ADCY2: variants seen among roughly 807,000 people sequenced by gnomAD.
ADCY2 encodes adenylate cyclase 2.
In ADCY2, 31 loss-of-function variants were observed where a neutral mutation model predicts 125.2. That is an observed-to-expected ratio of 0.25 (90% CI 0.19 to 0.33). The LOEUF (loss-of-function observed/expected upper bound fraction) is 0.33, where lower values mean the gene tolerates loss of function less well. Among genes scored for constraint, ADCY2 ranks in the 10% least tolerant of loss-of-function variants. The pLI is 1.00. For missense variants in ADCY2, 904 were observed against 1,418.2 expected (o/e 0.64, Z 5.82); for synonymous variants, 512 against 548.4 (o/e 0.93, Z 0.93).
chr5:7,500,991 T>C (rs1561059783), intron 2 of ADCY2, among the ~76,000 whole-genome samples: 1 of 152,200 alleles, frequency 6.6e-6, no homozygotes, highest in Non-Finnish European at 1.5e-5. Flanking sequence ...GTAAGTATTC[T>C]AAGTTCGTCA....
chr5:7,740,091 G>C (rs1742366201), intron 14 of ADCY2, among the ~76,000 whole-genome samples: 1 of 148,260 alleles, frequency 6.7e-6, no homozygotes, highest in East Asian at 2.0e-4. Flanking sequence ...ACAAACCAAA[G>C]GCCAAATCTA....
intron 3 of ADCY2, among the ~76,000 whole-genome samples, chr5:7,584,863 A>G (rs1398001497): frequency 1.3e-5 from 2 of 152,206 alleles, no homozygotes; most frequent in African/African-American, 4.8e-5. Context: ...GAAATGAATT[A>G]GAACTCTCTA....
intron 2 of ADCY2, among the ~76,000 whole-genome samples, chr5:7,417,174 C>T (rs116755048): frequency 0.031 from 4,686 of 152,126 alleles, 84 homozygotes; most frequent in Non-Finnish European, 0.036. Flanking sequence ...TTTGTTCCTT[C>T]GGAGACTCTT....
At chr5:7,403,189 G>A (rs1245942268) in intron 1 of ADCY2, among the ~76,000 whole-genome samples, 2 of 152,014 alleles carry the variant, frequency 1.3e-5, no homozygotes, top group Non-Finnish European at 2.9e-5. Flanking sequence ...GAAAAAAAGA[G>A]CAAATAATTA....
intron 3 of ADCY2, among the ~76,000 whole-genome samples, chr5:7,603,475 T>C (rs949981707): frequency 2.6e-5 from 4 of 152,222 alleles, no homozygotes; most frequent in Non-Finnish European, 4.4e-5. Flanking sequence ...AACTCCCAGG[T>C]TGATAAATCA....
intron 23 of ADCY2, among the ~76,000 whole-genome samples, chr5:7,817,802 G>A (rs1561037939): frequency 8.6e-6 from 1 of 116,668 alleles, no homozygotes. Context: ...CAGCCTGGGT[G>A]ACAGAAAGAG....
intron 11 of ADCY2, among the ~76,000 whole-genome samples, chr5:7,714,602 C>A (rs927825139): frequency 6.6e-6 from 1 of 152,250 alleles, no homozygotes; most frequent in East Asian, 1.9e-4. Context: ...ATGAAGCCAG[C>A]ATTTGTGCCC....
intron 3 of ADCY2, among the ~76,000 whole-genome samples, chr5:7,559,584 G>T (rs567038278): frequency 6.6e-6 from 1 of 152,172 alleles, no homozygotes; most frequent in Non-Finnish European, 1.5e-5. Flanking sequence ...GACTGAGTCT[G>T]TGGGGTTTCC....
At chr5:7,636,853 T>G (rs994347199) in intron 4 of ADCY2, among the ~76,000 whole-genome samples, 7 of 152,096 alleles carry the variant, frequency 4.6e-5, no homozygotes, top group Non-Finnish European at 8.8e-5. Context: ...GGAGCAATCA[T>G]GCTAAAGTGA....
At chr5:7,417,420 C>A (rs1313945434) in intron 2 of ADCY2, among the ~76,000 whole-genome samples, 1 of 152,120 alleles carries the variant, frequency 6.6e-6, no homozygotes, top group East Asian at 1.9e-4. Context: ...TTCTCCCTTT[C>A]ATATCCTTAA....
intron 2 of ADCY2, among the ~76,000 whole-genome samples, chr5:7,504,772 G>C (rs1743741370): frequency 6.6e-6 from 1 of 151,844 alleles, no homozygotes; most frequent in Non-Finnish European, 1.5e-5. Flanking sequence ...ACCTCTCAAA[G>C]TGCTGGGACT....
At chr5:7,768,452 C>T (rs778475851) in intron 17 of ADCY2, among the ~76,000 whole-genome samples, 7 of 152,048 alleles carry the variant, frequency 4.6e-5, no homozygotes, top group African/African-American at 9.7e-5. Context: ...GAGAGTGCAC[C>T]GACCAAACAG....
Position 7,414,776 on chromosome 5 carries a change from G to A in ADCY2, c.408+6G>A, listed in dbSNP as rs761828558. ...CCGTCTCTCCCTGGGACCAGGTAAG[G>A]TGTGAAAATATTTTTTGTACTTCTT... On this transcript the variant is annotated splice_donor_region_variant and intron_variant, in intron 2 of 24. Coordinates refer to ENST00000338316, the MANE Select transcript of ADCY2 (RefSeq NM_020546.3). The A allele has an allele frequency of 7.5e-6, 12 of 1,596,028 alleles. No individual in the cohort carries two copies. Among genetic ancestry groups the A allele is most frequent in the Non-Finnish European group, 8.5e-6 (10 of 1,174,234 alleles).
intron 3 of ADCY2, among the ~76,000 whole-genome samples, chr5:7,528,670 C>T (rs574090708): frequency 1.3e-5 from 2 of 152,284 alleles, no homozygotes; most frequent in African/African-American, 2.4e-5. Context: ...GGGTTTATGT[C>T]GAATATGATA....
chr5:7,570,637 A>G (rs929741838), intron 3 of ADCY2, among the ~76,000 whole-genome samples: 201 of 105,770 alleles, frequency 1.9e-3, no homozygotes, highest in African/African-American at 5.5e-3. Context: ...AAAAAAAAAA[A>G]TGCTTGTGTT....
chr5:7,730,838 C>T (rs916961935), intron 14 of ADCY2, among the ~76,000 whole-genome samples: 4 of 20,598 alleles, frequency 1.9e-4, no homozygotes, highest in South Asian at 0.029. Context: ...GGTCGGGGGG[C>T]GGTATTTTCA....
intron 3 of ADCY2, among the ~76,000 whole-genome samples, chr5:7,586,916 T>C (rs915951681): frequency 6.6e-6 from 1 of 152,230 alleles, no homozygotes; most frequent in African/African-American, 2.4e-5. Flanking sequence ...GTAGATGCAG[T>C]ATCATCTAAT....
At chr5:7,558,175 C>A (rs1217686049) in intron 3 of ADCY2, among the ~76,000 whole-genome samples, 3 of 152,024 alleles carry the variant, frequency 2.0e-5, no homozygotes, top group Admixed American at 2.0e-4. Flanking sequence ...GCCTCAACCT[C>A]CACAGTAGCT....
intron 16 of ADCY2, among the ~76,000 whole-genome samples, chr5:7,758,308 C>T (rs551095634): frequency 2.8e-4 from 42 of 152,258 alleles, no homozygotes; most frequent in African/African-American, 8.9e-4. Flanking sequence ...GTTATCTCCC[C>T]CACAATAGAC....
Sources: allele counts gnomAD v4.1 joint callset (sites outside exome capture counted in the v4.1 genomes callset), GRCh38; gene constraint gnomAD v4.1.1; transcripts MANE v1.5; gene names NCBI Gene and HGNC (gene_info 2026-07-23, HGNC 2026-07-21).